STS: variants seen among roughly 807,000 people sequenced by gnomAD.
STS encodes the protein steryl-sulfatase.
In STS, 7 loss-of-function variants were observed where a neutral mutation model predicts 26.8. The ratio of observed to expected loss-of-function variants is 0.26; its 90% confidence interval spans 0.15 to 0.49. STS has a LOEUF of 0.49. Among genes scored for constraint, STS ranks in the 20% least tolerant of loss-of-function variants. STS has a pLI of 0.98. For synonymous variants in STS, 199 were observed against 189.4 expected (o/e 1.05, Z -0.42); for missense variants, 434 against 465.6 (o/e 0.93, Z 0.63).
chrX:7,341,970 C>G (rs1415720215), intron 10 of STS, among the ~76,000 whole-genome samples: 1 of 110,345 alleles, frequency 9.1e-6, no homozygotes, highest in Non-Finnish European at 1.9e-5. Context: ...CACCACCACG[C>G]CCAGCTAGTT....
At chrX:7,238,121 GGTGT>G (rs55819541) in intron 2 of STS, among the ~76,000 whole-genome samples, 22,404 of 88,210 alleles carry the variant, frequency 0.25, 2,353 homozygotes, top group East Asian at 0.37. Context: ...AGTATTCCAT[GGTGT>G]GTGTGTGTGT....
At chrX:7,158,176 G>C (rs953178992) in intron 1 of STS, among the ~76,000 whole-genome samples, 1 of 111,803 alleles carries the variant, frequency 8.9e-6, no homozygotes, top group African/African-American at 3.3e-5. Context: ...GTTGATATTT[G>C]ATTGTGCATC....
intron 2 of STS, among the ~76,000 whole-genome samples, chrX:7,193,832 G>A (rs370499820): frequency 9.0e-6 from 1 of 111,644 alleles, no homozygotes; most frequent in Non-Finnish European, 1.9e-5. Context: ...GGATTGTCAG[G>A]AGAACACTTA....
chrX:7,212,686 A>G (rs758581977), intron 2 of STS, among the ~76,000 whole-genome samples: 61 of 111,776 alleles, frequency 5.5e-4, no homozygotes, highest in African/African-American at 1.9e-3. Context: ...ATTTATACAT[A>G]TATGTCCCAT....
intron 7 of STS, among the ~76,000 whole-genome samples, chrX:7,298,131 C>G (rs764002856): frequency 1.8e-5 from 2 of 111,308 alleles, no homozygotes; most frequent in Non-Finnish European, 3.8e-5. Context: ...ATACAAACAC[C>G]AATATTCCCT....
chrX:7,323,952 A>T (rs1055071524), intron 8 of STS, among the ~76,000 whole-genome samples: 85 of 111,447 alleles, frequency 7.6e-4, no homozygotes, highest in Non-Finnish European at 1.3e-3. Context: ...TTTCCCTTGA[A>T]AGAACCCTGT....
chrX:7,297,042 C>T (rs1009896013), intron 7 of STS, among the ~76,000 whole-genome samples: 1 of 111,732 alleles, frequency 8.9e-6, no homozygotes, highest in African/African-American at 3.3e-5. Context: ...CTAATAATTC[C>T]GATTATATGC....
At chrX:7,246,196 C>T (rs1444508710) in intron 2 of STS, among the ~76,000 whole-genome samples, 1 of 110,725 alleles carries the variant, frequency 9.0e-6, no homozygotes, top group Non-Finnish European at 1.9e-5. Context: ...AACCCGTTCA[C>T]AAGATAAGCC....
At chrX:7,210,744 A>G (rs1296849086) in intron 2 of STS, among the ~76,000 whole-genome samples, 3 of 109,370 alleles carry the variant, frequency 2.7e-5, no homozygotes, top group Non-Finnish European at 5.7e-5. Context: ...TATTTTAATA[A>G]TAACTTTTTA....
intron 10 of STS, among the ~76,000 whole-genome samples, chrX:7,343,630 G>C (rs1021531928): frequency 9.0e-6 from 1 of 111,672 alleles, no homozygotes; most frequent in Non-Finnish European, 1.9e-5. Context: ...CAGAGCTCGG[G>C]GTTGAACCTA....
intron 1 of STS, among the ~76,000 whole-genome samples, chrX:7,149,209 A>G (rs1307818321): frequency 9.0e-6 from 1 of 110,608 alleles, no homozygotes; most frequent in Non-Finnish European, 1.9e-5. Flanking sequence ...TGCCTGGGCA[A>G]TATAGCGAGA....
At chrX:7,288,399 C>A (rs1460280672) in intron 7 of STS, among the ~76,000 whole-genome samples, 2 of 110,408 alleles carry the variant, frequency 1.8e-5, no homozygotes, top group Non-Finnish European at 3.8e-5. Context: ...TTATACTCAC[C>A]AGCTCAGCAT....
At chrX:7,292,698 T>C (rs764354836) in intron 7 of STS, among the ~76,000 whole-genome samples, 7 of 111,257 alleles carry the variant, frequency 6.3e-5, no homozygotes, top group Non-Finnish European at 9.4e-5. Flanking sequence ...ATATGCCAAG[T>C]TGACCATTCA....
intron 2 of STS, among the ~76,000 whole-genome samples, chrX:7,226,080 A>C (rs1921791131): frequency 8.9e-6 from 1 of 112,294 alleles, no homozygotes; most frequent in Admixed American, 9.5e-5. Context: ...ACAAACATAT[A>C]ATCACTGTCC....
intron 9 of STS, among the ~76,000 whole-genome samples, chrX:7,327,112 C>G (rs1324573913): frequency 8.9e-6 from 1 of 111,783 alleles, no homozygotes; most frequent in Non-Finnish European, 1.9e-5. Flanking sequence ...CAAAGTACTC[C>G]AAGCTCACAT....
At chrX:7,198,303 C>A (rs1934007637) in intron 2 of STS, among the ~76,000 whole-genome samples, 1 of 111,342 alleles carries the variant, frequency 9.0e-6, no homozygotes, top group African/African-American at 3.3e-5. Context: ...GTTCTTCTTG[C>A]TGTCTTCTGT....
intron 1 of STS, among the ~76,000 whole-genome samples, chrX:7,154,469 T>C (rs761531893): frequency 1.8e-5 from 2 of 112,570 alleles, no homozygotes; most frequent in Non-Finnish European, 3.7e-5. Flanking sequence ...ATAATTATGA[T>C]GTACTTACAA....
intron 1 of STS, among the ~76,000 whole-genome samples, chrX:7,149,588 A>C (rs1293595082): frequency 3.6e-5 from 4 of 112,165 alleles, no homozygotes; most frequent in Non-Finnish European, 7.5e-5. Context: ...CCTCAAATAC[A>C]GTCGTTCGTG....
At chrX:7,193,987 C>T (rs1933925035) in intron 2 of STS, among the ~76,000 whole-genome samples, 1 of 111,638 alleles carries the variant, frequency 9.0e-6, no homozygotes, top group Admixed American at 9.5e-5. Context: ...TCACTGCAAC[C>T]TCCACCTCCC....
Sources: gnomAD v4.1 joint callset for allele counts (sites outside exome capture counted in the v4.1 genomes callset) on GRCh38, gnomAD v4.1.1 for gene constraint, MANE v1.5 for transcripts, NCBI Gene and HGNC (gene_info 2026-07-23, HGNC 2026-07-21) for gene names.